Variants in DCDC1 observed in about 807,000 individuals in gnomAD.
DCDC1 encodes doublecortin domain-containing protein 1.
In DCDC1, 200 loss-of-function variants were observed where a neutral mutation model predicts 178.3. That is an observed-to-expected ratio of 1.12 (90% CI 1.00 to 1.26). DCDC1 has a LOEUF of 1.26. Among genes scored for constraint, DCDC1 ranks in the 50% most tolerant of loss-of-function variants. The probability of loss-of-function intolerance (pLI) is 0.00; values close to 1 mark genes in which losing one functional copy is unlikely to be tolerated. For missense variants in DCDC1, 1,983 were observed against 1,749.2 expected (o/e 1.13, Z -2.38); for synonymous variants, 690 against 604.8 (o/e 1.14, Z -2.07).
At chr11:31,365,545 C>G (rs933527693) in intron 1 of DCDC1, among the ~76,000 whole-genome samples, 5 of 152,034 alleles carry the variant, frequency 3.3e-5, no homozygotes, top group African/African-American at 1.2e-4. Context: ...ATATAGATTT[C>G]CATTATTATC....
chr11:30,958,964 A>G (rs1236675746), intron 20 of DCDC1, among the ~76,000 whole-genome samples: 1 of 152,134 alleles, frequency 6.6e-6, no homozygotes, highest in Admixed American at 6.5e-5. Context: ...GAAAGGGGCA[A>G]TTGCATCAGT....
At chr11:31,357,750 CA>C (rs1326105188) in intron 1 of DCDC1, among the ~76,000 whole-genome samples, 1 of 152,020 alleles carries the variant, frequency 6.6e-6, no homozygotes, top group African/African-American at 2.4e-5. Context: ...TCTCAGGATA[CA>C]AAATCAGTGT....
intron 9 of DCDC1, among the ~76,000 whole-genome samples, chr11:31,154,483 G>A (rs1377392146): frequency 6.6e-6 from 1 of 152,200 alleles, no homozygotes; most frequent in East Asian, 1.9e-4. Flanking sequence ...ACAGTGGTAA[G>A]TGGTGTCTCT....
chr11:31,003,424 T>C (rs1031682619), intron 20 of DCDC1, among the ~76,000 whole-genome samples: 2 of 152,090 alleles, frequency 1.3e-5, no homozygotes, highest in Non-Finnish European at 2.9e-5. Context: ...AAGATAGCCA[T>C]GGTAAGTACA....
At chr11:31,148,783 G>A (rs977919874) in intron 9 of DCDC1, among the ~76,000 whole-genome samples, 3 of 151,758 alleles carry the variant, frequency 2.0e-5, no homozygotes, top group African/African-American at 7.3e-5. Context: ...AGGTACAGAT[G>A]GTTTTCGGTT....
chr11:31,020,728 C>T (rs2135198792), intron 20 of DCDC1, among the ~76,000 whole-genome samples: 1 of 152,238 alleles, frequency 6.6e-6, no homozygotes, highest in South Asian at 2.1e-4. Context: ...TGAGCCACCG[C>T]ACTTCTCCTA....
chr11:31,106,837 T>C lies in DCDC1; in HGVS notation c.1711A>G (p.Asn571Asp). ...TAAGAGACCCAAATTTTTTGCTCAT[T>C]CTTCAGCGAAAGTGGATTCTTAATT... ...QEIKNPLSLKNEQKIWVSYGR... is the reference protein window; with the variant it reads ...QEIKNPLSLKDEQKIWVSYGR... The change falls in exon 13 of 39, where the codon AAT becomes GAT. Residue 571 changes from asparagine (N) to aspartate (D), a missense_variant. Coordinates refer to ENST00000684477, the MANE Select transcript of DCDC1 (RefSeq NM_001387274.1). The C allele has an allele frequency of 1.3e-6, 1 of 766,262 alleles. No individual in the cohort carries two copies. The highest frequency in any genetic ancestry group is 2.3e-4 in the Middle Eastern group (1 of 4,438). The allele number at this position is 766,262 out of a possible 1,614,324, so 47.5% of individuals were successfully genotyped here.
Position 30,908,956 on chromosome 11 carries a change from A to G in DCDC1, c.3908T>C (p.Ile1303Thr), listed in dbSNP as rs1245814941. ...CTSSVIKEENIDQPGYCYLSP... is the reference protein window; with the variant it reads ...CTSSVIKEENTDQPGYCYLSP... ...GAAGGAACCACTTACTGGTTGATCA[A>G]TGTTTTCTTCTTTAATCACAGATGA... Residue 1303 changes from isoleucine to threonine, a missense_variant, in exon 29 of 39, where the codon ATT becomes ACT. By Grantham distance (89) the Ile-to-Thr change is moderately conservative. Coordinates refer to ENST00000684477, the MANE Select transcript of DCDC1 (RefSeq NM_001387274.1). 1 of 1,597,240 alleles carries G rather than the reference A, an allele frequency of 6.3e-7. No individual in the cohort carries two copies. Among genetic ancestry groups the G allele is most frequent in the South Asian group, 1.1e-5 (1 of 87,954 alleles).
chr11:31,241,350 T>C (rs1301536027), intron 9 of DCDC1, 100 bp downstream of exon 9: 1 of 390,900 alleles, frequency 2.6e-6, no homozygotes, highest in African/African-American at 2.1e-5. Flanking sequence ...AAAATACATG[T>C]CACAGTTCTT....
chr11:30,918,854 A>AG (rs1946044736), intron 25 of DCDC1, among the ~76,000 whole-genome samples: 2 of 152,142 alleles, frequency 1.3e-5, no homozygotes, highest in Non-Finnish European at 2.9e-5. Flanking sequence ...TTTTCCTGCA[A>AG]AGCACAGAGT....
At chr11:30,992,478 C>T (rs1951042863) in intron 20 of DCDC1, 1 of 152,178 alleles carries the variant, frequency 6.6e-6, no homozygotes. Flanking sequence ...CATATTCAAG[C>T]TTTCCAGGCC....
intron 8 of DCDC1, among the ~76,000 whole-genome samples, chr11:31,242,528 G>A (rs1235688848): frequency 6.6e-6 from 1 of 151,896 alleles, no homozygotes; most frequent in Non-Finnish European, 1.5e-5. Context: ...GTATATACAT[G>A]TGACACAAAC....
At chr11:31,297,536 G>A (rs1020251889) in intron 6 of DCDC1, among the ~76,000 whole-genome samples, 7 of 151,856 alleles carry the variant, frequency 4.6e-5, no homozygotes, top group African/African-American at 9.7e-5. Context: ...TAGTAGAGAC[G>A]GGGTTTCACC....
rs146035661 is a variant in DCDC1, at chr11:31,084,480, C to T, written c.2238-6555G>A. 4.0e-3 allele frequency among the ~76,000 whole-genome samples: 606 copies of T among 152,032 alleles called. 1 individual carries two copies. Among genetic ancestry groups the T allele is most frequent in the African/African-American group, 0.014 (566 of 41,504 alleles). On this transcript the variant is annotated intron_variant, in intron 17 of 38. Transcript: ENST00000684477. ...TGAGGTAAACTCTAAAAATTTTGGTCCTTCCTGCTTTCTAAAATGAAGTAT... is the reference window on the plus strand; with the variant it reads ...TGAGGTAAACTCTAAAAATTTTGGTTCTTCCTGCTTTCTAAAATGAAGTAT...
At chr11:31,211,326 AG>A (rs2136530630) in intron 9 of DCDC1, among the ~76,000 whole-genome samples, 1 of 152,334 alleles carries the variant, frequency 6.6e-6, no homozygotes, top group Non-Finnish European at 1.5e-5. Flanking sequence ...TATTTATTTA[AG>A]ACCATATGTA....
chr11:30,960,750 G>A (rs1342748201), intron 20 of DCDC1, among the ~76,000 whole-genome samples: 2 of 152,006 alleles, frequency 1.3e-5, no homozygotes, highest in African/African-American at 4.8e-5. Flanking sequence ...AACATCTCAG[G>A]CTTTGGAAGG....
At chr11:30,917,051 A>C (rs768843340) in intron 25 of DCDC1, 23 bp from the exon 26 acceptor site, 2 of 1,572,302 alleles carry the variant, frequency 1.3e-6, no homozygotes, top group South Asian at 2.5e-5. Context: ...AGAAGCAAAC[A>C]TAAGTCTAAG....
intron 20 of DCDC1, among the ~76,000 whole-genome samples, chr11:31,023,974 T>C (rs900511691): frequency 1.2e-4 from 18 of 152,100 alleles, no homozygotes; most frequent in East Asian, 3.9e-4. Flanking sequence ...CCTAAAACAA[T>C]AGGACAATAT....
At chr11:31,335,673 A>G (rs1950235431) in intron 1 of DCDC1, 109 bp from the exon 2 acceptor site, 1 of 152,124 alleles carries the variant, frequency 6.6e-6, no homozygotes, top group African/African-American at 2.4e-5. Flanking sequence ...GCAGTCCCCA[A>G]CCTTTTTGAC....
Sources: allele counts gnomAD v4.1 joint callset (sites outside exome capture counted in the v4.1 genomes callset), GRCh38; gene constraint gnomAD v4.1.1; transcripts MANE v1.5; gene names NCBI Gene and HGNC (gene_info 2026-07-23, HGNC 2026-07-21).